Variants in LRP1B observed in about 807,000 individuals in gnomAD.
LRP1B encodes low-density lipoprotein receptor-related protein 1B.
In LRP1B, 217 loss-of-function variants were observed where a neutral mutation model predicts 556.6. The observed-to-expected ratio is 0.39, with a 90% CI of 0.35 to 0.44. The LOEUF (loss-of-function observed/expected upper bound fraction) is 0.44. Ranked by LOEUF, LRP1B falls within the 20% of genes least tolerant of loss-of-function variation. The pLI, the probability that LRP1B is intolerant of heterozygous loss-of-function variation, is 1.00. For synonymous variants in LRP1B, 2,047 were observed against 1,865.8 expected (o/e 1.10, Z -2.50); for missense variants, 5,053 against 5,620.8 (o/e 0.90, Z 3.23).
chr2:140,996,979 A>G (rs912383576), intron 15 of LRP1B, among the ~76,000 whole-genome samples: 2 of 151,976 alleles, frequency 1.3e-5, no homozygotes, highest in African/African-American at 4.8e-5. Context: ...TTAACAAGTG[A>G]TGGAATTGGA....
At chr2:141,575,451 T>TAATTC (rs1686702779) in intron 2 of LRP1B, among the ~76,000 whole-genome samples, 1 of 148,860 alleles carries the variant, frequency 6.7e-6, no homozygotes, top group Non-Finnish European at 1.5e-5. Context: ...ACCTTATACT[T>TAATTC]AAGATGGATT....
chr2:142,100,448 T>C (rs1010867382), intron 1 of LRP1B, among the ~76,000 whole-genome samples: 9 of 152,006 alleles, frequency 5.9e-5, no homozygotes, highest in Non-Finnish European at 1.2e-4. Flanking sequence ...TGAGCCCCAG[T>C]GCTCCAGCTG....
At chr2:140,594,268 C>A (rs1227471583) in intron 43 of LRP1B, among the ~76,000 whole-genome samples, 1 of 152,074 alleles carries the variant, frequency 6.6e-6, no homozygotes. Flanking sequence ...CCGCGCCTGG[C>A]CCATGTTAAA....
At chr2:141,744,572 A>C (rs1025316329) in intron 2 of LRP1B, among the ~76,000 whole-genome samples, 6 of 152,162 alleles carry the variant, frequency 3.9e-5, no homozygotes, top group African/African-American at 1.4e-4. Flanking sequence ...TATCTGTCCA[A>C]TGCTGAAAGT....
intron 35 of LRP1B, among the ~76,000 whole-genome samples, chr2:140,756,268 T>C (rs1226954480): frequency 1.3e-5 from 2 of 152,062 alleles, no homozygotes; most frequent in Non-Finnish European, 2.9e-5. Flanking sequence ...AGTTGTTTTC[T>C]ACAGCTTCCT....
chr2:140,356,307 A>G, intron 75 of LRP1B, 35 bp downstream of exon 75: 1 of 1,604,286 alleles, frequency 6.2e-7, no homozygotes, highest in Non-Finnish European at 8.5e-7. Flanking sequence ...TAACCCAAAG[A>G]TTTATGAGCA....
chr2:140,541,946 G>A lies in LRP1B; in HGVS notation c.7220C>T (p.Thr2407Ile), dbSNP rs2105021118. The change falls in exon 44 of 91, where the codon ACT becomes ATT. Residue 2407 changes from threonine (T) to isoleucine (I), a missense_variant. By Grantham distance (89) the Thr-to-Ile change is moderately conservative (BLOSUM62 -1). Coordinates refer to ENST00000389484, the MANE Select transcript of LRP1B (RefSeq NM_018557.3). ...GTCATAAACAGCCAAACTGAGGAAA[G>A]TCCCTGGCCCAGATTTAACTATCAC... ...RHVIVKSGPGTFLSLAVYDNY... is the reference protein window; with the variant it reads ...RHVIVKSGPGIFLSLAVYDNY... 6.2e-7 allele frequency: 1 copy of A among 1,607,190 alleles called. No homozygotes were observed. Among genetic ancestry groups the A allele is most frequent in the African/African-American group, 1.3e-5 (1 of 74,934 alleles).
chr2:141,391,745 G>A (rs950287854), intron 3 of LRP1B, among the ~76,000 whole-genome samples: 1 of 152,160 alleles, frequency 6.6e-6, no homozygotes, highest in Non-Finnish European at 1.5e-5. Flanking sequence ...AGCAGATAAA[G>A]GTAGTCTGGG....
chr2:140,935,281 C>G, intron 20 of LRP1B, among the ~76,000 whole-genome samples: 1 of 151,926 alleles, frequency 6.6e-6, no homozygotes, highest in East Asian at 1.9e-4. Flanking sequence ...TGGATAAAGT[C>G]AAGAAACAAC....
At chr2:142,033,621 T>C (rs1443873399) in intron 1 of LRP1B, among the ~76,000 whole-genome samples, 1 of 151,724 alleles carries the variant, frequency 6.6e-6, no homozygotes, top group African/African-American at 2.4e-5. Context: ...TAAAGCAGAC[T>C]GGTCATAGTT....
In LRP1B at chr2:140,867,605, T is replaced by G; in HGVS notation, c.4564A>C (p.Ser1522Arg). The change falls in exon 27 of 91, where the codon AGT (serine) becomes CGT (arginine). Residue 1522 changes from serine to arginine, a missense_variant. Around this residue, in one of 5 missense-constraint regions of LRP1B, gnomAD observed 3,619 missense variants for 3,931.9 expected, o/e 0.92. Transcript: ENST00000389484. ...QPFDLQIYHPSRQPQAPNPCA... is the reference protein window; with the variant it reads ...QPFDLQIYHPRRQPQAPNPCA... ...AAGCACTTACCCTGTGGCTGGCGAC[T>G]GGGATGGTATATCTGAAGGTCAAAT... The G allele has an allele frequency of 6.2e-7, 1 of 1,612,778 alleles. No individual in the cohort carries two copies. Among genetic ancestry groups the G allele is most frequent in the Non-Finnish European group, 8.5e-7 (1 of 1,179,162 alleles).
intron 3 of LRP1B, among the ~76,000 whole-genome samples, chr2:141,320,490 T>C (rs1369223831): frequency 6.6e-6 from 1 of 152,068 alleles, no homozygotes; most frequent in African/African-American, 2.4e-5. Context: ...AGTGATGCTA[T>C]GTACTATGCC....
chr2:140,477,402 G>C (rs1688018349), intron 59 of LRP1B, among the ~76,000 whole-genome samples: 1 of 151,986 alleles, frequency 6.6e-6, no homozygotes, highest in African/African-American at 2.4e-5. Flanking sequence ...ATAATTCAGT[G>C]ATTTCTATAA....
At chr2:141,927,903 C>CA (rs5834879) in intron 1 of LRP1B, among the ~76,000 whole-genome samples, 76,898 of 111,380 alleles carry the variant, frequency 0.69, 26,817 homozygotes, top group East Asian at 0.89. Context: ...CTTGGCTTTA[C>CA]AAAAAAAAAA....
intron 57 of LRP1B, among the ~76,000 whole-genome samples, chr2:140,489,439 G>T (rs1015775032): frequency 1.1e-4 from 16 of 151,880 alleles, no homozygotes; most frequent in African/African-American, 3.6e-4. Flanking sequence ...GCTAAAGAAG[G>T]GTAACTGATA....
At chr2:140,593,072 G>A (rs976855703) in intron 43 of LRP1B, among the ~76,000 whole-genome samples, 7 of 151,978 alleles carry the variant, frequency 4.6e-5, no homozygotes, top group African/African-American at 1.7e-4. Context: ...TATTTAACTT[G>A]CTCTCCTATT....
chr2:140,644,031 G>A (rs998556917), intron 41 of LRP1B, among the ~76,000 whole-genome samples: 15 of 152,208 alleles, frequency 9.9e-5, no homozygotes, highest in African/African-American at 3.4e-4. Flanking sequence ...ACTTTTTCTC[G>A]TTACTCTAGT....
At chr2:142,050,192 CAT>C (rs749763705) in intron 1 of LRP1B, among the ~76,000 whole-genome samples, 2 of 152,084 alleles carry the variant, frequency 1.3e-5, no homozygotes, top group East Asian at 3.9e-4. Context: ...AGAGAAATTT[CAT>C]ATATAGTCAT....
At chr2:141,224,796 A>T (rs1573677898) in intron 6 of LRP1B, among the ~76,000 whole-genome samples, 1 of 152,014 alleles carries the variant, frequency 6.6e-6, no homozygotes, top group East Asian at 1.9e-4. Context: ...GGAGGGGAAC[A>T]ACACACACTG....
Sources: gnomAD v4.1 joint callset for allele counts (sites outside exome capture counted in the v4.1 genomes callset) on GRCh38, gnomAD v4.1.1 for gene constraint, gnomAD v4.1.1 regional missense constraint, MANE v1.5 for transcripts, NCBI Gene and HGNC (gene_info 2026-07-23, HGNC 2026-07-21) for gene names.